The following NALCN variants were observed in gnomAD, a reference collection of about 807,000 sequenced individuals.
The protein encoded by NALCN is sodium leak channel, non-selective, also known as sodium leak channel NALCN.
Under a neutral mutation model 225.3 loss-of-function variants are expected in NALCN, and 111 were observed. The observed-to-expected ratio is 0.49, with a 90% CI of 0.42 to 0.58. The LOEUF (loss-of-function observed/expected upper bound fraction) is 0.58. Ranked by LOEUF, NALCN falls within the 20% of genes least tolerant of loss-of-function variation. The pLI, the probability that NALCN is intolerant of heterozygous loss-of-function variation, is 0.00. For synonymous variants in NALCN, 764 were observed against 769.0 expected, an observed-to-expected ratio of 0.99 and a Z score of 0.11; for missense variants, 1,378 against 2,202.4, an observed-to-expected ratio of 0.63 and a Z score of 7.49.
At chr13:101,347,167 C>CACA (rs1566601607) in intron 6 of NALCN, among the ~76,000 whole-genome samples, 1 of 124,238 alleles carries the variant, frequency 8.0e-6, no homozygotes, top group African/African-American at 3.0e-5. Flanking sequence ...ACACACACAC[C>CACA]CCATGGCTGG....
chr13:101,091,355 C>G (rs1000511138), intron 28 of NALCN, among the ~76,000 whole-genome samples: 1 of 152,116 alleles, frequency 6.6e-6, no homozygotes, highest in African/African-American at 2.4e-5. Context: ...TGGTTCTGTA[C>G]TTTTCTACCA....
intron 7 of NALCN, among the ~76,000 whole-genome samples, chr13:101,315,988 T>C (rs1320496069): frequency 6.6e-6 from 1 of 152,136 alleles, no homozygotes; most frequent in Non-Finnish European, 1.5e-5. Context: ...CTCCTCTTCC[T>C]TGCCTTCTTT....
intron 7 of NALCN, among the ~76,000 whole-genome samples, chr13:101,333,866 G>A (rs2139246414): frequency 6.6e-6 from 1 of 152,256 alleles, no homozygotes; most frequent in South Asian, 2.1e-4. Context: ...ATTCACATTT[G>A]TTTCACGTGA....
At chr13:101,408,889 A>G (rs2139547955) in intron 1 of NALCN, among the ~76,000 whole-genome samples, 1 of 152,286 alleles carries the variant, frequency 6.6e-6, no homozygotes, top group Non-Finnish European at 1.5e-5. Context: ...ATCTCCAAAA[A>G]CAGACTCTTC....
intron 7 of NALCN, among the ~76,000 whole-genome samples, chr13:101,325,636 T>C (rs1211094353): frequency 1.3e-5 from 2 of 152,200 alleles, no homozygotes; most frequent in Non-Finnish European, 2.9e-5. Flanking sequence ...TCCAGGCTAG[T>C]GCTAGCTGCT....
intron 17 of NALCN, among the ~76,000 whole-genome samples, chr13:101,136,618 T>C (rs1000334343): frequency 6.6e-5 from 10 of 152,206 alleles, no homozygotes; most frequent in Non-Finnish European, 1.3e-4. Context: ...TCCACGTCCC[T>C]ACAAAGGACA....
chr13:101,392,273 T>C lies in NALCN; in HGVS notation c.291+2910A>G, dbSNP rs955378734. ...TAGACCAAATTTAAAATAAGGAAAA[T>C]AATAACATATATAACAAAACAACAC... On this transcript the variant is annotated intron_variant, in intron 3 of 43. Coordinates refer to ENST00000251127, the MANE Select transcript of NALCN (RefSeq NM_052867.4). Among the ~76,000 whole-genome samples the C allele has an allele frequency of 3.3e-5, 5 of 151,774 alleles. 1 individual carries two copies. Among genetic ancestry groups the C allele is most frequent in the Admixed American group, 2.6e-4 (4 of 15,250 alleles).
intron 7 of NALCN, among the ~76,000 whole-genome samples, chr13:101,341,164 C>T (rs9557619): frequency 0.44 from 66,383 of 151,954 alleles, 15,059 homozygotes; most frequent in African/African-American, 0.55. Flanking sequence ...CCTACAGTTA[C>T]ATTAGCTTTG....
chr13:101,110,562 T>C lies in NALCN; in HGVS notation c.2364+57A>G, dbSNP rs957994034. ...ACACTGGGCATTGTCTAAGCAGTCA[T>C]TTAAATACATTTTCATAATCACGTT... is the stretch of plus-strand genomic sequence containing the variant. On this transcript the variant is annotated intron_variant, in intron 20 of 43. Transcript: ENST00000251127. 1.9e-6 allele frequency: 3 copies of C among 1,576,688 alleles called. No homozygotes were observed. The African/African-American group carries it at 4.0e-5, about 21-fold the overall frequency.
At chr13:101,088,611 T>G (rs1170591419) in intron 30 of NALCN, among the ~76,000 whole-genome samples, 2 of 152,166 alleles carry the variant, frequency 1.3e-5, no homozygotes, top group African/African-American at 4.8e-5. Context: ...ATATGTAAAA[T>G]CTTAGTACAC....
At chr13:101,127,213 T>C (rs765882893) in intron 17 of NALCN, among the ~76,000 whole-genome samples, 4 of 152,226 alleles carry the variant, frequency 2.6e-5, no homozygotes, top group Non-Finnish European at 5.9e-5. Flanking sequence ...TGAATGGCCT[T>C]TGTCCTGAAT....
At chr13:101,412,106 A>G (rs2047806031) in intron 1 of NALCN, among the ~76,000 whole-genome samples, 1 of 152,208 alleles carries the variant, frequency 6.6e-6, no homozygotes, top group Non-Finnish European at 1.5e-5. Context: ...GGCTATATGT[A>G]GATGTTGGCT....
intron 11 of NALCN, among the ~76,000 whole-genome samples, chr13:101,255,515 A>G (rs947296418): frequency 1.3e-5 from 2 of 152,204 alleles, no homozygotes; most frequent in African/African-American, 4.8e-5. Context: ...TCAGGAGCAG[A>G]TGCAGATTCC....
At chr13:101,200,216 A>C (rs927870027) in intron 13 of NALCN, among the ~76,000 whole-genome samples, 2 of 152,102 alleles carry the variant, frequency 1.3e-5, no homozygotes, top group African/African-American at 4.8e-5. Flanking sequence ...CCCACTTTCA[A>C]ACCTGTTCTT....
chr13:101,084,304 G>A (rs1353911814), intron 30 of NALCN, among the ~76,000 whole-genome samples: 1 of 152,152 alleles, frequency 6.6e-6, no homozygotes, highest in African/African-American at 2.4e-5. Context: ...TGTGATAACT[G>A]CCTAAATGGA....
At chr13:101,383,406 GA>G (rs574510299) in intron 3 of NALCN, among the ~76,000 whole-genome samples, 20 of 144,236 alleles carry the variant, frequency 1.4e-4, no homozygotes, top group South Asian at 4.4e-4. Context: ...AGTTACATTA[GA>G]AAAAAAAAAA....
chr13:101,074,028 G>A (rs527257437), intron 36 of NALCN, among the ~76,000 whole-genome samples: 109 of 151,914 alleles, frequency 7.2e-4, no homozygotes, highest in Admixed American at 1.6e-3. Flanking sequence ...TATATACTTT[G>A]TTGTATCAGG....
At chr13:101,285,872 T>TA (rs1377571164) in intron 9 of NALCN, among the ~76,000 whole-genome samples, 1 of 152,174 alleles carries the variant, frequency 6.6e-6, no homozygotes, top group Non-Finnish European at 1.5e-5. Context: ...CAGTTATTAA[T>TA]AAAAACCCTC....
chr13:101,134,416 G>A lies in NALCN; in HGVS notation c.2118+8664C>T, dbSNP rs188632103. On this transcript the variant is annotated intron_variant, in intron 17 of 43. Coordinates refer to ENST00000251127, the MANE Select transcript of NALCN (RefSeq NM_052867.4). ...ATCTTTCTGTAAATTCCAATAGATT[G>A]TAAACTCCTTAGGATATGTATAATG... 1.6e-3 allele frequency among the ~76,000 whole-genome samples: 239 copies of A among 152,238 alleles called. 3 individuals are homozygous for A. Among genetic ancestry groups the A allele is most frequent in the African/African-American group, 5.4e-3 (223 of 41,552 alleles).
Sources: gnomAD v4.1 joint callset for allele counts (sites outside exome capture counted in the v4.1 genomes callset) on GRCh38, gnomAD v4.1.1 for gene constraint, MANE v1.5 for transcripts, NCBI Gene and HGNC (gene_info 2026-07-23, HGNC 2026-07-21) for gene names.